Variants in ENPP1 observed in about 807,000 individuals in gnomAD.
The protein encoded by ENPP1 is ectonucleotide pyrophosphatase/phosphodiesterase family member 1.
ENPP1 carries 73 observed loss-of-function variants against 122.8 expected under a neutral mutation model. That is an observed-to-expected ratio of 0.59 (90% CI 0.49 to 0.72). ENPP1 has a LOEUF of 0.72. Among genes scored for constraint, ENPP1 ranks in the 30% least tolerant of loss-of-function variants. The pLI is 0.00. For missense variants in ENPP1, 978 were observed against 1,128.1 expected (o/e 0.87, Z 1.91); for synonymous variants, 367 against 391.6 (o/e 0.94, Z 0.74).
chr6:131,832,530 G>A (rs983142145), intron 1 of ENPP1, among the ~76,000 whole-genome samples: 1 of 152,222 alleles, frequency 6.6e-6, no homozygotes, highest in African/African-American at 2.4e-5. Flanking sequence ...AGCCATCTTG[G>A]TTTGTGTGAC....
chr6:131,845,323 G>A (rs1020627724), intron 1 of ENPP1, among the ~76,000 whole-genome samples: 1 of 151,516 alleles, frequency 6.6e-6, no homozygotes, highest in Admixed American at 6.6e-5. Flanking sequence ...GAGCCACCGT[G>A]CCTGGCCAAT....
intron 1 of ENPP1, among the ~76,000 whole-genome samples, chr6:131,845,325 C>T (rs1191662355): frequency 6.6e-6 from 1 of 151,624 alleles, no homozygotes; most frequent in Non-Finnish European, 1.5e-5. Context: ...GCCACCGTGC[C>T]TGGCCAATTC....
chr6:131,838,318 A>C (rs1781701106), intron 1 of ENPP1, among the ~76,000 whole-genome samples: 1 of 152,198 alleles, frequency 6.6e-6, no homozygotes, highest in East Asian at 1.9e-4. Flanking sequence ...ATCCAGTAGA[A>C]ATATCTTTCA....
At chr6:131,808,965 T>C (rs1409077194) in intron 1 of ENPP1, among the ~76,000 whole-genome samples, 1 of 152,188 alleles carries the variant, frequency 6.6e-6, no homozygotes, top group Admixed American at 6.5e-5. Flanking sequence ...CTTCATGAAA[T>C]GTGGGGGTTG....
chr6:131,827,275 G>A (rs549927128), intron 1 of ENPP1: 31 of 1,294,756 alleles, frequency 2.4e-5, no homozygotes, highest in Admixed American at 1.7e-4. Flanking sequence ...ATGGAGAAGC[G>A]TCTGGAATAA....
intron 15 of ENPP1, 152 bp from the exon 16 acceptor site, chr6:131,874,116 T>C: frequency 1.6e-6 from 1 of 619,674 alleles, no homozygotes; most frequent in Non-Finnish European, 2.9e-6. Context: ...GGTGACTTCT[T>C]AATGCTTTTC....
intron 6 of ENPP1, among the ~76,000 whole-genome samples, chr6:131,855,555 G>A (rs965312904): frequency 5.9e-5 from 9 of 151,942 alleles, no homozygotes; most frequent in South Asian, 4.2e-4. Context: ...CTAACTCCTG[G>A]GCTCAAGCAA....
At chr6:131,827,361 C>T in intron 1 of ENPP1, 1 of 970,926 alleles carries the variant, frequency 1.0e-6, no homozygotes, top group Non-Finnish European at 1.7e-6. Flanking sequence ...ACTATAGTTG[C>T]TTTTTTCTCT....
rs1224084459 is a variant in ENPP1 at position 131,852,209 on chromosome 6, C to T, written c.591C>T (p.Ser197=). The T allele has an allele frequency of 6.2e-7, 1 of 1,607,620 alleles. No homozygotes were observed. Among genetic ancestry groups the T allele is most frequent in the Non-Finnish European group, 8.5e-7 (1 of 1,177,286 alleles). Residue 197 remains serine (S), a synonymous_variant, in exon 5 of 25, where the codon AGC becomes AGT. Coordinates refer to ENST00000647893, the MANE Select transcript of ENPP1 (RefSeq NM_006208.3). ...GTTGGGTAGAAGAACCATGTGAGAG[C>T]ATTAATGAGCCACAGTGCCCAGCAG... ...EKSWVEEPCE[S]INEPQCPAGF... is the part of the protein sequence containing the mutation.
intron 21 of ENPP1, 139 bp downstream of exon 21, chr6:131,882,613 T>A (rs1215830426): frequency 5.3e-6 from 1 of 187,612 alleles, no homozygotes; most frequent in Non-Finnish European, 1.0e-5. Context: ...ATATATATAT[T>A]ATATATATAA....
rs71809355 is a variant in ENPP1, at chr6:131,836,415, A to AGTGTGTGT, written c.241-11346_241-11339dup. Among the ~76,000 whole-genome samples the AGTGTGTGT allele has an allele frequency of 9.9e-3, 1,489 of 150,618 alleles. 19 individuals are homozygous for AGTGTGTGT. The highest frequency in any genetic ancestry group is 0.034 in the African/African-American group (1,412 of 40,994). ...ATGTGTGAGTCACCACACCCAGCCGAGTGTGTGTGTGTGTGTGTGTGTTTT... is the reference window on the plus strand; with the variant it reads ...ATGTGTGAGTCACCACACCCAGCCGAGTGTGTGTGTGTGTGTGTGTGTGTGTGTGTTTT... On this transcript the variant is annotated intron_variant, in intron 1 of 24. Coordinates refer to ENST00000647893, the MANE Select transcript of ENPP1 (RefSeq NM_006208.3).
chr6:131,851,319 C>T (rs745790089), intron 4 of ENPP1, 52 bp downstream of exon 4: 27 of 1,612,044 alleles, frequency 1.7e-5, no homozygotes, highest in East Asian at 6.7e-5. Flanking sequence ...AGCGTCTTAG[C>T]GGGGCTTTAC....
At chr6:131,890,307 G>C (rs1487485009) in intron 24 of ENPP1, 34 bp from the exon 25 acceptor site, 1 of 1,579,168 alleles carries the variant, frequency 6.3e-7, no homozygotes, top group African/African-American at 1.3e-5. Context: ...GTGTTCTCTT[G>C]GTAACTTTTC....
intron 6 of ENPP1, among the ~76,000 whole-genome samples, chr6:131,856,154 A>T (rs1174457793): frequency 6.6e-6 from 1 of 152,182 alleles, no homozygotes; most frequent in Non-Finnish European, 1.5e-5. Flanking sequence ...TTGCATAAAA[A>T]GTCTTTAGCT....
rs577102003 is a variant in ENPP1 at position 131,863,354 on chromosome 6, A to G, written c.1026-1152A>G. 5.9e-5 allele frequency among the ~76,000 whole-genome samples: 9 copies of G among 152,334 alleles called. No individual in the cohort carries two copies. The South Asian group carries it at 1.7e-3, about 28-fold the overall frequency. On this transcript the variant is annotated intron_variant, in intron 9 of 24. Transcript: ENST00000647893. Reference sequence around the variant, plus strand: ...CATTGAGAAAATACAAAAACTTTTTAATGGAAGAACCTCTTTGGCCGATTT... The same window carrying G: ...CATTGAGAAAATACAAAAACTTTTTGATGGAAGAACCTCTTTGGCCGATTT...
chr6:131,835,095 C>T (rs1396153312), intron 1 of ENPP1, among the ~76,000 whole-genome samples: 1 of 152,042 alleles, frequency 6.6e-6, no homozygotes, highest in East Asian at 1.9e-4. Flanking sequence ...GATATGAAAC[C>T]ATTGAGAGTT....
intron 1 of ENPP1, among the ~76,000 whole-genome samples, chr6:131,842,901 T>C (rs1257555528): frequency 6.6e-6 from 1 of 152,156 alleles, no homozygotes; most frequent in African/African-American, 2.4e-5. Flanking sequence ...ATTTTTTTTT[T>C]AGTATTTCTT....
chr6:131,847,541 G>T lies in ENPP1; in HGVS notation c.241-235G>T, dbSNP rs1562518813. On this transcript the variant is annotated intron_variant, in intron 1 of 24. Transcript: ENST00000647893. ...AATAAAACATTTGGAGAAATAAAAG[G>T]ATTTTAAAACTATATAAGGCCAGGC... Among the ~76,000 whole-genome samples, 6 of 152,146 alleles carry T rather than the reference G, an allele frequency of 3.9e-5. No homozygotes were observed. The South Asian group carries it at 1.2e-3, about 32-fold the overall frequency.
chr6:131,816,116 A>T (rs1358171071), intron 1 of ENPP1, among the ~76,000 whole-genome samples: 1 of 152,144 alleles, frequency 6.6e-6, no homozygotes, highest in African/African-American at 2.4e-5. Context: ...TTTTGCTCTC[A>T]AGTTTGATGA....
Sources: gnomAD v4.1 joint callset for allele counts (sites outside exome capture counted in the v4.1 genomes callset) on GRCh38, gnomAD v4.1.1 for gene constraint, MANE v1.5 for transcripts, NCBI Gene and HGNC (gene_info 2026-07-23, HGNC 2026-07-21) for gene names.